Variants in TPRG1 observed in about 807,000 individuals in gnomAD.
TPRG1 encodes tumor protein p63 regulated 1.
A neutral mutation model predicts 29.3 loss-of-function variants in TPRG1; 29 were observed. The observed-to-expected ratio is 0.99, with a 90% CI of 0.74 to 1.35. The LOEUF (loss-of-function observed/expected upper bound fraction) is 1.35. Ranked by LOEUF, TPRG1 falls within the 40% of genes most tolerant of loss-of-function variation. The pLI is 0.00. For synonymous variants in TPRG1, 130 were observed against 116.8 expected, an observed-to-expected ratio of 1.11 and a Z score of -0.73; for missense variants, 327 against 335.0, an observed-to-expected ratio of 0.98 and a Z score of 0.19.
rs373413783 is a variant in TPRG1 at position 189,190,698 on chromosome 3, A to G, written c.-9-16678A>G. 2.0e-5 allele frequency among the ~76,000 whole-genome samples: 3 copies of G among 152,340 alleles called. No homozygotes were observed. In the East Asian group the frequency reaches 5.8e-4, roughly 29 times the overall value. On this transcript the variant is annotated intron_variant, in intron 1 of 5. Coordinates refer to ENST00000345063, the MANE Select transcript of TPRG1 (RefSeq NM_198485.4). Reference sequence around the variant, plus strand: ...TTTAATCTTCACAAAAATTGTGTAGAGTAAGCAGGCCTGGCATCAATGTGC... The same window carrying G: ...TTTAATCTTCACAAAAATTGTGTAGGGTAAGCAGGCCTGGCATCAATGTGC...
At chr3:189,082,660 G>T (rs1717670794) in intron 4 of TPRG1, among the ~76,000 whole-genome samples, 1 of 152,082 alleles carries the variant, frequency 6.6e-6, no homozygotes, top group South Asian at 2.1e-4. Flanking sequence ...AATTTGGTTT[G>T]ACTGATTCTG....
chr3:189,292,543 A>G (rs1240234747), intron 4 of TPRG1, among the ~76,000 whole-genome samples: 1 of 152,166 alleles, frequency 6.6e-6, no homozygotes, highest in Non-Finnish European at 1.5e-5. Context: ...GATTAACAGA[A>G]ATAACAGAAG....
intron 3 of TPRG1, among the ~76,000 whole-genome samples, chr3:189,007,688 A>C (rs9828059): frequency 0.031 from 4,405 of 142,316 alleles, 224 homozygotes; most frequent in African/African-American, 0.11. Flanking sequence ...AAAATGTGGC[A>C]CATATACACC....
At chr3:189,015,706 G>A (rs1224744216) in intron 3 of TPRG1, among the ~76,000 whole-genome samples, 1 of 152,196 alleles carries the variant, frequency 6.6e-6, no homozygotes, top group African/African-American at 2.4e-5. Context: ...AAAGGGGCCA[G>A]GATACAGCTT....
chr3:189,207,297 C>G (rs866337790), intron 1 of TPRG1, 79 bp from the exon 2 acceptor site: 4 of 1,535,214 alleles, frequency 2.6e-6, no homozygotes, highest in African/African-American at 2.8e-5. Flanking sequence ...GTTTGCTCAT[C>G]ATATTCTGTT....
intron 1 of TPRG1, among the ~76,000 whole-genome samples, chr3:189,189,955 A>G (rs1200975484): frequency 6.6e-6 from 1 of 152,184 alleles, no homozygotes; most frequent in Non-Finnish European, 1.5e-5. Context: ...GTAGAAATAG[A>G]TCTGATTATT....
chr3:189,086,148 A>G (rs1717920037), intron 4 of TPRG1, among the ~76,000 whole-genome samples: 1 of 151,812 alleles, frequency 6.6e-6, no homozygotes, highest in Non-Finnish European at 1.5e-5. Context: ...TGTAGGTCAA[A>G]GGGTCCAAAA....
chr3:189,241,471 G>T (rs1348494188), intron 4 of TPRG1, among the ~76,000 whole-genome samples: 3 of 150,020 alleles, frequency 2.0e-5, no homozygotes, highest in Non-Finnish European at 3.0e-5. Flanking sequence ...TTATTGATTT[G>T]TAAGAGCTAT....
intron 3 of TPRG1, among the ~76,000 whole-genome samples, chr3:189,008,591 A>C (rs149241357): frequency 6.6e-6 from 1 of 152,162 alleles, no homozygotes. Flanking sequence ...GTTGCTATTC[A>C]TGCTTTTTTT....
At chr3:189,174,392 G>A (rs1729210958) in intron 1 of TPRG1, among the ~76,000 whole-genome samples, 1 of 152,134 alleles carries the variant, frequency 6.6e-6, no homozygotes, top group African/African-American at 2.4e-5. Flanking sequence ...CTGTGCTGGG[G>A]CCGGGCAGCA....
chr3:189,197,562 A>G (rs1447101064), intron 1 of TPRG1, among the ~76,000 whole-genome samples: 2 of 152,206 alleles, frequency 1.3e-5, no homozygotes, highest in African/African-American at 4.8e-5. Flanking sequence ...AAGTCACTCA[A>G]TTCAATATTT....
chr3:189,207,585 T>C lies in TPRG1; in HGVS notation c.201T>C (p.Phe67=). Residue 67 remains phenylalanine (F), a synonymous_variant, in exon 2 of 6, where the codon TTT becomes TTC. Coordinates refer to ENST00000345063, the MANE Select transcript of TPRG1 (RefSeq NM_198485.4). The part of the protein sequence containing the change: ...YHQPYISRKY[F]ATRPGAIETA... ...AGCCTTATATCTCACGGAAGTACTT[T>C]GCTACACGGGTAAATTTATTGGTTC... 6.2e-7 allele frequency: 1 copy of C among 1,614,000 alleles called. No individual in the cohort carries two copies.
intron 4 of TPRG1, among the ~76,000 whole-genome samples, chr3:189,239,479 G>A (rs888734810): frequency 2.0e-5 from 3 of 152,250 alleles, no homozygotes; most frequent in African/African-American, 7.2e-5. Context: ...GTATGAGGAC[G>A]TGACAAATAA....
intron 5 of TPRG1, among the ~76,000 whole-genome samples, chr3:189,156,592 A>G (rs895603883): frequency 2.6e-5 from 4 of 152,154 alleles, no homozygotes; most frequent in Non-Finnish European, 5.9e-5. Flanking sequence ...GCCCCTGGCG[A>G]TACCCTTTCT....
intron 3 of TPRG1, among the ~76,000 whole-genome samples, chr3:189,132,961 C>A (rs758811730): frequency 6.6e-6 from 1 of 151,936 alleles, no homozygotes; most frequent in East Asian, 1.9e-4. Context: ...AATGAGGAAG[C>A]GGGGCCAGTA....
intron 4 of TPRG1, among the ~76,000 whole-genome samples, chr3:189,252,969 T>C (rs1393724573): frequency 6.6e-6 from 1 of 152,160 alleles, no homozygotes; most frequent in Non-Finnish European, 1.5e-5. Context: ...TGGAAAACAA[T>C]ACAGGGTGAT....
chr3:189,259,847 G>T (rs758950933), intron 4 of TPRG1, among the ~76,000 whole-genome samples: 2 of 152,076 alleles, frequency 1.3e-5, no homozygotes, highest in Admixed American at 1.3e-4. Flanking sequence ...GTATGCAATC[G>T]TGGAAACAGA....
chr3:189,179,867 G>GCAAAT (rs1445077940), intron 1 of TPRG1, among the ~76,000 whole-genome samples: 1 of 152,158 alleles, frequency 6.6e-6, no homozygotes, highest in Non-Finnish European at 1.5e-5. Flanking sequence ...AATTAATTAT[G>GCAAAT]CAAATCAAAT....
chr3:189,174,350 A>G (rs925990840), intron 1 of TPRG1, among the ~76,000 whole-genome samples: 1 of 152,180 alleles, frequency 6.6e-6, no homozygotes, highest in African/African-American at 2.4e-5. Flanking sequence ...AGATCTGATA[A>G]TAATGGACCC....
Sources: gnomAD v4.1 joint callset for allele counts (sites outside exome capture counted in the v4.1 genomes callset) on GRCh38, gnomAD v4.1.1 for gene constraint, MANE v1.5 for transcripts, NCBI Gene and HGNC (gene_info 2026-07-23, HGNC 2026-07-21) for gene names.